GNG7: variants seen among roughly 807,000 people sequenced by gnomAD.
GNG7 encodes G protein subunit gamma 7.
A neutral mutation model predicts 4.0 loss-of-function variants in GNG7; 1 was observed. That is an observed-to-expected ratio of 0.25 (90% CI 0.09 to 1.18). The LOEUF (loss-of-function observed/expected upper bound fraction) is 1.18, where lower values mean the gene tolerates loss of function less well. Ranked by LOEUF, GNG7 falls within the 50% of genes most tolerant of loss-of-function variation. The pLI, the probability that GNG7 is intolerant of heterozygous loss-of-function variation, is 0.50. For synonymous variants in GNG7, 34 were observed against 36.9 expected (o/e 0.92, Z 0.29); for missense variants, 86 against 91.9 (o/e 0.94, Z 0.26).
chr19:2,570,792 T>C (rs552993113), intron 2 of GNG7, among the ~76,000 whole-genome samples: 1 of 152,224 alleles, frequency 6.6e-6, no homozygotes, highest in South Asian at 2.1e-4. Context: ...AAAACAGATG[T>C]TCAGCTTGGC....
intron 2 of GNG7, among the ~76,000 whole-genome samples, chr19:2,606,998 A>G (rs930747525): frequency 5.9e-4 from 89 of 151,786 alleles, no homozygotes; most frequent in African/African-American, 2.2e-3. Context: ...AGGCGGGGGG[A>G]TCATTTGAGC....
At chr19:2,553,441 T>C (rs1233207201) in intron 3 of GNG7, among the ~76,000 whole-genome samples, 2 of 147,818 alleles carry the variant, frequency 1.4e-5, no homozygotes, top group African/African-American at 4.9e-5. Context: ...ATATATGTTA[T>C]ATATTATATG....
At position 2,588,104 on chromosome 19, in the gene GNG7, C is replaced by T. The variant is rs1259058873; in HGVS notation, c.-77-32916G>A. On this transcript the variant is annotated intron_variant, in intron 2 of 4. Transcript: ENST00000382159. ...GAAAAACCATCTCTCTATTTGCAAA[C>T]GGCCTGTTGTGGTGTAAAAGGTCCC... is the stretch of plus-strand genomic sequence containing the variant. 5.9e-5 allele frequency among the ~76,000 whole-genome samples: 9 copies of T among 152,148 alleles called. No individual in the cohort carries two copies. The South Asian group carries it at 1.2e-3, about 21-fold the overall frequency.
intron 2 of GNG7, among the ~76,000 whole-genome samples, chr19:2,568,461 C>CACAG (rs57392416): frequency 6.6e-6 from 1 of 151,026 alleles, no homozygotes; most frequent in Non-Finnish European, 1.5e-5. Flanking sequence ...TATACATACA[C>CACAG]ACACACATGC....
At chr19:2,568,156 TACACATACATACAC>T (rs1368446559) in intron 2 of GNG7, among the ~76,000 whole-genome samples, 1 of 141,520 alleles carries the variant, frequency 7.1e-6, no homozygotes, top group Non-Finnish European at 1.5e-5. Flanking sequence ...TGCACACACA[TACACATACATACAC>T]ACACATACAC....
At chr19:2,574,452 G>A (rs1356314313) in intron 2 of GNG7, among the ~76,000 whole-genome samples, 1 of 152,170 alleles carries the variant, frequency 6.6e-6, no homozygotes, top group Non-Finnish European at 1.5e-5. Flanking sequence ...GACGACTCTA[G>A]GGACTTCCCA....
At position 2,545,617 on chromosome 19, in the gene GNG7, C is replaced by A. The variant is rs1428466392; in HGVS notation, c.-38+9532G>T. 2.1e-5 allele frequency among the ~76,000 whole-genome samples: 3 copies of A among 140,908 alleles called. No homozygotes were observed. The East Asian group carries it at 6.5e-4, about 30-fold the overall frequency. The allele number at this position is 140,908 out of a possible 152,430, so 92.4% of individuals were successfully genotyped here. A position where few individuals can be genotyped will look rare whatever the true frequency, so the allele number is the denominator to read the frequency against. On this transcript the variant is annotated intron_variant, in intron 3 of 4. Transcript: ENST00000382159. Reference sequence around the variant, plus strand: ...AGTGAGCCAAGATTGCGCCACTATACTCCAGCCTAAGCAACAAGAGCGAAA... The same window carrying A: ...AGTGAGCCAAGATTGCGCCACTATAATCCAGCCTAAGCAACAAGAGCGAAA...
chr19:2,702,205 A>G (rs1443660242), intron 1 of GNG7, among the ~76,000 whole-genome samples: 2 of 124,908 alleles, frequency 1.6e-5, no homozygotes, highest in Non-Finnish European at 3.4e-5. Flanking sequence ...CAGACCTCCA[A>G]TCCCACCTCC....
At chr19:2,601,492 A>G (rs73526858) in intron 2 of GNG7, among the ~76,000 whole-genome samples, 4,306 of 152,250 alleles carry the variant, frequency 0.028, 165 homozygotes, top group African/African-American at 0.098. Flanking sequence ...GCTCCCCAGG[A>G]ACAAGGACTG....
intron 2 of GNG7, among the ~76,000 whole-genome samples, chr19:2,568,224 C>A (rs1413950887): frequency 6.6e-6 from 1 of 151,500 alleles, no homozygotes; most frequent in Non-Finnish European, 1.5e-5. Context: ...TACAGACATG[C>A]ACACACGTGC....
At chr19:2,566,829 A>T (rs949495278) in intron 2 of GNG7, among the ~76,000 whole-genome samples, 2 of 152,112 alleles carry the variant, frequency 1.3e-5, no homozygotes, top group African/African-American at 4.8e-5. Flanking sequence ...GTCGCTGGGC[A>T]TGGTGGCTCA....
At position 2,626,841 on chromosome 19, in the gene GNG7, G is replaced by C. The variant is rs985730593; in HGVS notation, c.-78+19383C>G. On this transcript the variant is annotated intron_variant, in intron 2 of 4. Coordinates refer to ENST00000382159, the MANE Select transcript of GNG7 (RefSeq NM_052847.3). This position sits in a 1 kb window ranked among gnomAD's most constrained non-coding sequence, Gnocchi z 5.0. ...CTGGCATGGAGTGGGTGGAGGCCAG[G>C]GATGCTGCTCAGCACCCTGCAGTGC... 1.3e-5 allele frequency among the ~76,000 whole-genome samples: 2 copies of C among 152,038 alleles called. No individual in the cohort carries two copies. The highest frequency in any genetic ancestry group is 4.8e-5 in the African/African-American group (2 of 41,384).
intron 1 of GNG7, among the ~76,000 whole-genome samples, chr19:2,684,951 T>C (rs1568284595): frequency 1.3e-5 from 2 of 151,756 alleles, no homozygotes; most frequent in Non-Finnish European, 2.9e-5. Flanking sequence ...TGGAGAAACC[T>C]TGTCTCTACT....
intron 1 of GNG7, among the ~76,000 whole-genome samples, chr19:2,646,722 C>T (rs921747799): frequency 2.6e-5 from 4 of 151,918 alleles, no homozygotes; most frequent in Non-Finnish European, 5.9e-5. Flanking sequence ...AAGCAGAAGA[C>T]AATTCACTGA....
In GNG7 at chr19:2,511,688, C is replaced by T; in HGVS notation, c.*3334G>A. The T allele has an allele frequency of 1.9e-6, 1 of 528,972 alleles. No individual in the cohort carries two copies. The highest frequency in any genetic ancestry group is 2.4e-6 in the Non-Finnish European group (1 of 412,536). The allele number at this position is 528,972 out of a possible 1,614,324, so 32.8% of individuals were successfully genotyped here. On this transcript the variant is annotated 3_prime_UTR_variant, in exon 5 of 5. Coordinates refer to ENST00000382159, the MANE Select transcript of GNG7 (RefSeq NM_052847.3). This position sits in a 1 kb window ranked among gnomAD's most constrained non-coding sequence, Gnocchi z 6.3. ...TGGAGATGGATGCGTGGCCTGGAGG[C>T]CTAGCGTTGCGCCTCGGACACGGTG...
At chr19:2,568,126 GACATACAC>G (rs1349636670) in intron 2 of GNG7, among the ~76,000 whole-genome samples, 1 of 144,412 alleles carries the variant, frequency 6.9e-6, no homozygotes, top group Non-Finnish European at 1.5e-5. Flanking sequence ...CACACATATA[GACATACAC>G]ACATATACAC....
intron 3 of GNG7, among the ~76,000 whole-genome samples, chr19:2,534,388 G>T (rs1340178810): frequency 2.0e-5 from 3 of 152,162 alleles, no homozygotes; most frequent in Non-Finnish European, 4.4e-5. Context: ...CCCCTACTCA[G>T]AAACCACCAG....
rs1456147336 is a variant in GNG7 at position 2,557,375 on chromosome 19, G to A, written c.-77-2187C>T. On this transcript the variant is annotated intron_variant, in intron 2 of 4. Coordinates refer to ENST00000382159, the MANE Select transcript of GNG7 (RefSeq NM_052847.3). This position sits in a 1 kb window ranked among gnomAD's most constrained non-coding sequence, Gnocchi z 5.1. ...CACACAGACACACACACACGTGCAC[G>A]CACACATGCACGCAGGAGCGAGCGC... Among the ~76,000 whole-genome samples the A allele has an allele frequency of 2.0e-5, 3 of 151,968 alleles. No homozygotes were observed. Among genetic ancestry groups the A allele is most frequent in the Non-Finnish European group, 4.4e-5 (3 of 67,982 alleles).
chr19:2,699,068 C>T (rs1162676692), intron 1 of GNG7, among the ~76,000 whole-genome samples: 1 of 151,932 alleles, frequency 6.6e-6, no homozygotes, highest in African/African-American at 2.4e-5. Context: ...ATGCTTGCAA[C>T]TGACAACTTC....
Sources: gnomAD v4.1 joint callset for allele counts (sites outside exome capture counted in the v4.1 genomes callset) on GRCh38, gnomAD v4.1.1 for gene constraint, Gnocchi (gnomAD v3.1) non-coding constraint, MANE v1.5 for transcripts, NCBI Gene and HGNC (gene_info 2026-07-23, HGNC 2026-07-21) for gene names.